TBX4: variants seen among roughly 807,000 people sequenced by gnomAD.
The protein encoded by TBX4 is T-box transcription factor 4.
A neutral mutation model predicts 54.6 loss-of-function variants in TBX4; 13 were observed. The observed-to-expected ratio is 0.24, with a 90% CI of 0.15 to 0.38. The LOEUF (loss-of-function observed/expected upper bound fraction) is 0.38. TBX4 is among the 10% of genes least tolerant of loss of function. The probability of loss-of-function intolerance (pLI) is 1.00; values close to 1 mark genes in which losing one functional copy is unlikely to be tolerated. For missense variants in TBX4, 631 were observed against 728.5 expected (o/e 0.87, Z 1.54); for synonymous variants, 314 against 306.7 (o/e 1.02, Z -0.25).
intron 1 of TBX4, among the ~76,000 whole-genome samples, chr17:61,455,208 T>C (rs1603247668): frequency 6.6e-6 from 1 of 152,120 alleles, no homozygotes; most frequent in Non-Finnish European, 1.5e-5. Context: ...CTTTGCGAGG[T>C]CCTGGGAGTC....
In TBX4 at chr17:61,465,020, A is replaced by T. The variant is rs543845448; in HGVS notation, c.282-799A>T. Among the ~76,000 whole-genome samples, 1 of 152,276 alleles carries T rather than the reference A, an allele frequency of 6.6e-6. No homozygotes were observed. The highest frequency in any genetic ancestry group is 1.9e-4 in the East Asian group (1 of 5,184). The stretch of plus-strand genomic sequence containing the variant: ...TGAGATAGGTGGTAATGTTATCCTC[A>T]TTTTAGAGATAAGGAAACCAAGGCA... On this transcript the variant is annotated intron_variant, in intron 3 of 8. Transcript: ENST00000644296. This position sits in a 1 kb window ranked among gnomAD's most constrained non-coding sequence, Gnocchi z 4.9.
intron 8 of TBX4, 106 bp from the exon 9 acceptor site, chr17:61,482,791 G>A (rs1471171830): frequency 1.3e-6 from 2 of 1,520,558 alleles, no homozygotes; most frequent in African/African-American, 2.7e-5. Flanking sequence ...AACATGGGGA[G>A]GGCGGGCGCA....
rs1327724364 is a variant in TBX4, at chr17:61,461,393, T to TA, written c.281+3764dup. On this transcript the variant is annotated intron_variant, in intron 3 of 8. Transcript: ENST00000644296. The surrounding 1 kb of genome is among the most constrained non-coding windows in gnomAD (Gnocchi z 5.1). ...TAGGTGGCACCAGCAGCCCCACTCC[T>TA]AACCCCAGCCTTGGATGCTGGGCCC... Among the ~76,000 whole-genome samples, 1 of 152,192 alleles carries TA rather than the reference T, an allele frequency of 6.6e-6. No homozygotes were observed. Among genetic ancestry groups the TA allele is most frequent in the Non-Finnish European group, 1.5e-5 (1 of 68,032 alleles).
rs895991579 is a variant in TBX4 at position 61,484,909 on chromosome 17, A to T, written c.*1393A>T. On this transcript the variant is annotated 3_prime_UTR_variant, in exon 9 of 9. Coordinates refer to ENST00000644296, the MANE Select transcript of TBX4 (RefSeq NM_001321120.2). This position sits in a 1 kb window ranked among gnomAD's most constrained non-coding sequence, Gnocchi z 4.1. ...AAATTTTTATTACATGTTTGATATT[A>T]AAAACTAAGAATGGTTTAGATAAAA... 1.4e-5 allele frequency: 2 copies of T among 146,952 alleles called. No individual in the cohort carries two copies. Among genetic ancestry groups the T allele is most frequent in the Non-Finnish European group, 3.0e-5 (2 of 66,948 alleles). 9.1% of individuals were successfully genotyped at this position (146,952 alleles called of 1,614,324 possible).
intron 5 of TBX4, among the ~76,000 whole-genome samples, chr17:61,477,085 C>T (rs72834690): frequency 0.04 from 6,039 of 152,292 alleles, 154 homozygotes; most frequent in South Asian, 0.075. Flanking sequence ...GGCAGCCCAA[C>T]GACCAACCCA....
chr17:61,471,897 T>TA lies in TBX4; in HGVS notation c.549+4240_549+4241insA, dbSNP rs574450536. Among the ~76,000 whole-genome samples the TA allele has an allele frequency of 6.7e-3, 651 of 97,124 alleles. 6 individuals are homozygous for TA. The highest frequency in any genetic ancestry group is 0.013 in the South Asian group (36 of 2,842). The allele number at this position is 97,124 out of a possible 152,430, so 63.7% of individuals were successfully genotyped here. A position where few individuals can be genotyped will look rare whatever the true frequency, so the allele number is the denominator to read the frequency against. On this transcript the variant is annotated intron_variant, in intron 5 of 8. Coordinates refer to ENST00000644296, the MANE Select transcript of TBX4 (RefSeq NM_001321120.2). ...CCTGCCACTATGCCCAGCTAATTTT[T>TA]TTTTTTTTTTTTTTTTTTTTTTTTT... is the stretch of plus-strand genomic sequence containing the variant.
In TBX4 at chr17:61,457,417, G is replaced by A. The variant is rs1603248549; in HGVS notation, c.187-120G>A. The A allele has an allele frequency of 8.4e-6, 7 of 834,576 alleles. No homozygotes were observed. In the East Asian group the frequency reaches 1.7e-4, roughly 21 times the overall value. The allele number at this position is 834,576 out of a possible 1,614,324, so 51.7% of individuals were successfully genotyped here. A position where few individuals can be genotyped will look rare whatever the true frequency, so the allele number is the denominator to read the frequency against. On this transcript the variant is annotated intron_variant, in intron 2 of 8. Coordinates refer to ENST00000644296, the MANE Select transcript of TBX4 (RefSeq NM_001321120.2). The surrounding 1 kb of genome is among the most constrained non-coding windows in gnomAD (Gnocchi z 8.2). ...ATCGTTCTGTGAAACGAAATCTGGAGCCATGGGCTCCGGGCGGGCAGGGTT... is the reference window on the plus strand; with the variant it reads ...ATCGTTCTGTGAAACGAAATCTGGAACCATGGGCTCCGGGCGGGCAGGGTT...
Position 61,457,452 on chromosome 17 carries a change from T to G in TBX4, c.187-85T>G. The G allele has an allele frequency of 7.5e-7, 1 of 1,324,914 alleles. No individual in the cohort carries two copies. Among genetic ancestry groups the G allele is most frequent in the Non-Finnish European group, 1.1e-6 (1 of 917,982 alleles). The allele number at this position is 1,324,914 out of a possible 1,614,324, so 82.1% of individuals were successfully genotyped here. A position where few individuals can be genotyped will look rare whatever the true frequency, so the allele number is the denominator to read the frequency against. ...CCGGGCGGGCAGGGTTCCGCACAGC[T>G]CTTCGGGTCTGGTTCTTCTTTCCTC... On this transcript the variant is annotated intron_variant, in intron 2 of 8. Coordinates refer to ENST00000644296, the MANE Select transcript of TBX4 (RefSeq NM_001321120.2). The surrounding 1 kb of genome is among the most constrained non-coding windows in gnomAD (Gnocchi z 8.2).
At position 61,461,149 on chromosome 17, in the gene TBX4, T is replaced by TA. The variant is rs962286499; in HGVS notation, c.281+3526dup. ...AAAGTCTATCAGAAGGAAGTGCCTTTAAAAAAAATCTAAGAGAAGCAACCG... is the reference window on the plus strand; with the variant it reads ...AAAGTCTATCAGAAGGAAGTGCCTTTAAAAAAAAATCTAAGAGAAGCAACCG... On this transcript the variant is annotated intron_variant, in intron 3 of 8. Transcript: ENST00000644296. This position sits in a 1 kb window ranked among gnomAD's most constrained non-coding sequence, Gnocchi z 5.1. 5.3e-5 allele frequency among the ~76,000 whole-genome samples: 8 copies of TA among 152,058 alleles called. No individual in the cohort carries two copies. The highest frequency in any genetic ancestry group is 1.7e-4 in the African/African-American group (7 of 41,390).
At chr17:61,469,491 G>A (rs933141893) in intron 5 of TBX4, among the ~76,000 whole-genome samples, 3 of 152,198 alleles carry the variant, frequency 2.0e-5, no homozygotes, top group African/African-American at 7.2e-5. Flanking sequence ...TGGATGAGTG[G>A]GACGCAGAGC....
At chr17:61,463,882 C>T (rs551583134) in intron 3 of TBX4, among the ~76,000 whole-genome samples, 6 of 152,248 alleles carry the variant, frequency 3.9e-5, no homozygotes, top group African/African-American at 1.4e-4. Flanking sequence ...GGAGGTGAGG[C>T]AGCTGCTGCC....
chr17:61,453,066 A>T, intron 1 of TBX4: 6 of 836,012 alleles, frequency 7.2e-6, no homozygotes, highest in African/African-American at 1.8e-5. Flanking sequence ...ATTATATATA[A>T]ATAATGATCG....
chr17:61,471,036 C>T (rs1199528661), intron 5 of TBX4, among the ~76,000 whole-genome samples: 1 of 152,202 alleles, frequency 6.6e-6, no homozygotes, highest in Non-Finnish European at 1.5e-5. Flanking sequence ...TGATTTCTGA[C>T]GCAGTGAGTC....
chr17:61,467,330 C>G (rs1397703460), intron 4 of TBX4, among the ~76,000 whole-genome samples, 180 bp from the exon 5 acceptor site: 1 of 152,206 alleles, frequency 6.6e-6, no homozygotes, highest in Non-Finnish European at 1.5e-5. Context: ...GCTCTCTCCT[C>G]CTCAGCATTC....
At chr17:61,471,816 C>A (rs957328059) in intron 5 of TBX4, among the ~76,000 whole-genome samples, 1 of 151,956 alleles carries the variant, frequency 6.6e-6, no homozygotes, top group South Asian at 2.1e-4. Context: ...GCCTCCACCT[C>A]CCGGGTTCAA....
chr17:61,457,474 C>T lies in TBX4; in HGVS notation c.187-63C>T, dbSNP rs2060460735. The stretch of plus-strand genomic sequence containing the variant: ...AGCTCTTCGGGTCTGGTTCTTCTTT[C>T]CTCAGGCTCCGCGTGGAGCCCTGGG... On this transcript the variant is annotated intron_variant, in intron 2 of 8. Coordinates refer to ENST00000644296, the MANE Select transcript of TBX4 (RefSeq NM_001321120.2). The surrounding 1 kb of genome is among the most constrained non-coding windows in gnomAD (Gnocchi z 8.2). 2.6e-6 allele frequency: 4 copies of T among 1,518,244 alleles called. No homozygotes were observed. In the East Asian group the frequency reaches 9.0e-5, roughly 34 times the overall value. The allele number at this position is 1,518,244 out of a possible 1,614,324, so 94.0% of individuals were successfully genotyped here.
rs755032832 is a variant in TBX4 at position 61,476,076 on chromosome 17, C to A, written c.550-2551C>A. Among the ~76,000 whole-genome samples, 1 of 152,174 alleles carries A rather than the reference C, an allele frequency of 6.6e-6. No individual in the cohort carries two copies. Among genetic ancestry groups the A allele is most frequent in the Non-Finnish European group, 1.5e-5 (1 of 68,026 alleles). ...AAACCCGACCTTGCACTCACTAGATCCTGTCTGGGGGCAAAGGAGCCTGGA... is the reference window on the plus strand; with the variant it reads ...AAACCCGACCTTGCACTCACTAGATACTGTCTGGGGGCAAAGGAGCCTGGA... On this transcript the variant is annotated intron_variant, in intron 5 of 8. Transcript: ENST00000644296. The surrounding 1 kb of genome is among the most constrained non-coding windows in gnomAD (Gnocchi z 6.5).
chr17:61,467,135 G>A (rs1376733736), intron 4 of TBX4, among the ~76,000 whole-genome samples: 1 of 152,152 alleles, frequency 6.6e-6, no homozygotes, highest in Non-Finnish European at 1.5e-5. Flanking sequence ...ATGGGTGACA[G>A]AGTGAGAACC....
rs558680398 is a variant in TBX4 at position 61,477,361 on chromosome 17, G to A, written c.550-1266G>A. ...GTTTGGAGCAGCAACTACTGTGAGCGGCCCCCGGGGGCTCTGGCAGCCGCG... is the reference window on the plus strand; with the variant it reads ...GTTTGGAGCAGCAACTACTGTGAGCAGCCCCCGGGGGCTCTGGCAGCCGCG... On this transcript the variant is annotated intron_variant, in intron 5 of 8. Coordinates refer to ENST00000644296, the MANE Select transcript of TBX4 (RefSeq NM_001321120.2). 1.8e-3 allele frequency among the ~76,000 whole-genome samples: 279 copies of A among 152,328 alleles called. 1 individual carries two copies. Among genetic ancestry groups the A allele is most frequent in the African/African-American group, 6.1e-3 (253 of 41,584 alleles).
Sources: allele counts gnomAD v4.1 joint callset (sites outside exome capture counted in the v4.1 genomes callset), GRCh38; gene constraint gnomAD v4.1.1; non-coding constraint Gnocchi (gnomAD v3.1); transcripts MANE v1.5; gene names NCBI Gene and HGNC (gene_info 2026-07-23, HGNC 2026-07-21).